SAXO1: variants seen among roughly 807,000 people sequenced by gnomAD.
SAXO1 encodes the protein stabilizer of axonemal microtubules 1.
Under a neutral mutation model 17.5 loss-of-function variants are expected in SAXO1, and 21 were observed. The ratio of observed to expected loss-of-function variants is 1.20; its 90% CI spans 0.85 to 1.72. The LOEUF (loss-of-function observed/expected upper bound fraction) is 1.72. Ranked by LOEUF, SAXO1 falls within the 40% of genes most tolerant of loss-of-function variation. The probability of loss-of-function intolerance (pLI) is 0.00; values close to 1 mark genes in which losing one functional copy is unlikely to be tolerated. For synonymous variants in SAXO1, 274 were observed against 216.5 expected, an observed-to-expected ratio of 1.27 and a Z score of -2.33; for missense variants, 843 against 596.0, an observed-to-expected ratio of 1.41 and a Z score of -4.32.
rs760685521 is a variant in SAXO1, at chr9:18,928,082, G to A, written c.1395C>T (p.Pro465=). 33 of 1,608,630 alleles carry A rather than the reference G, an allele frequency of 2.1e-5. 1 individual carries two copies. In the Middle Eastern group the frequency reaches 2.0e-3, roughly 96 times the overall value. Residue 465 remains proline, a synonymous_variant, in exon 4 of 4, where the codon CCC becomes CCT. Coordinates refer to ENST00000380534, the MANE Select transcript of SAXO1 (RefSeq NM_153707.4). ...CTAACACTTCCAACTCCCTCTGGTTGGGGTTTTCTGAATCATCTACAGAAA... is the reference window on the plus strand; with the variant it reads ...CTAACACTTCCAACTCCCTCTGGTTAGGGTTTTCTGAATCATCTACAGAAA... ...SHLSVDDSEN[P]NQRELEVLA
chr9:18,953,096 C>A (rs940492034), intron 1 of SAXO1, among the ~76,000 whole-genome samples: 5 of 152,352 alleles, frequency 3.3e-5, no homozygotes, highest in African/African-American at 9.6e-5. Flanking sequence ...AGGATTCCGA[C>A]AAACCTCAGA....
At chr9:18,934,353 C>A (rs777273429) in intron 3 of SAXO1, among the ~76,000 whole-genome samples, 7 of 152,008 alleles carry the variant, frequency 4.6e-5, no homozygotes, top group Non-Finnish European at 8.8e-5. Context: ...TGGTTTGGAC[C>A]TTTCTCTTAA....
At chr9:19,007,452 T>G (rs1301483658) in intron 1 of SAXO1, among the ~76,000 whole-genome samples, 1 of 152,252 alleles carries the variant, frequency 6.6e-6, no homozygotes, top group East Asian at 1.9e-4. Flanking sequence ...ACGGACTTTT[T>G]GGATCTAGCA....
rs142996436 is a variant in SAXO1 at position 18,999,194 on chromosome 9, C to G, written c.38+33677G>C. 2.8e-3 allele frequency among the ~76,000 whole-genome samples: 431 copies of G among 152,368 alleles called. 2 individuals carry two copies. Among genetic ancestry groups the G allele is most frequent in the Non-Finnish European group, 5.1e-3 (348 of 68,034 alleles). On this transcript the variant is annotated intron_variant, in intron 1 of 3. Transcript: ENST00000380534. Reference sequence around the variant, plus strand: ...TAAAGAGTCAAGACCTACCTGTGTGCTGTATTCAGGAAACCCATCTTAGGT... The same window carrying G: ...TAAAGAGTCAAGACCTACCTGTGTGGTGTATTCAGGAAACCCATCTTAGGT...
chr9:19,048,574 G>A (rs1298904208), intron 1 of SAXO1, among the ~76,000 whole-genome samples: 2 of 152,204 alleles, frequency 1.3e-5, no homozygotes, highest in Non-Finnish European at 1.5e-5. Context: ...TGAAGACCAA[G>A]AGCAGAATCA....
At chr9:18,933,978 G>A (rs113459733) in intron 3 of SAXO1, among the ~76,000 whole-genome samples, 4,392 of 152,262 alleles carry the variant, frequency 0.029, 99 homozygotes, top group South Asian at 0.1. Flanking sequence ...CCCGGGAGGC[G>A]GAGCTTGCAG....
At chr9:18,942,899 A>C (rs1014997461) in intron 2 of SAXO1, among the ~76,000 whole-genome samples, 1 of 152,210 alleles carries the variant, frequency 6.6e-6, no homozygotes, top group African/African-American at 2.4e-5. Context: ...CATTTATTCA[A>C]CTGGACAAAG....
intron 1 of SAXO1, among the ~76,000 whole-genome samples, chr9:19,044,663 C>G (rs901804031): frequency 5.9e-5 from 9 of 151,796 alleles, no homozygotes; most frequent in Non-Finnish European, 1.3e-4. Context: ...AAGATCGAGA[C>G]CATCCTGGCT....
chr9:19,019,373 C>T (rs1442289293), intron 1 of SAXO1, among the ~76,000 whole-genome samples: 2 of 152,108 alleles, frequency 1.3e-5, no homozygotes, highest in Non-Finnish European at 2.9e-5. Flanking sequence ...AAACCTCCTG[C>T]CCAATGTAGG....
chr9:18,972,607 A>G (rs879142885), intron 1 of SAXO1, among the ~76,000 whole-genome samples: 10 of 152,178 alleles, frequency 6.6e-5, no homozygotes, highest in Non-Finnish European at 4.4e-5. Context: ...TGAACAGTCT[A>G]GGGCTACAAA....
chr9:18,967,356 TC>T (rs1303671600), intron 1 of SAXO1, among the ~76,000 whole-genome samples: 1 of 152,020 alleles, frequency 6.6e-6, no homozygotes, highest in Non-Finnish European at 1.5e-5. Flanking sequence ...AGCCACCCCT[TC>T]CCCCAGGTGC....
intron 1 of SAXO1, among the ~76,000 whole-genome samples, chr9:18,966,043 CTTTTCT>C (rs1832702405): frequency 6.6e-6 from 1 of 152,182 alleles, no homozygotes; most frequent in Non-Finnish European, 1.5e-5. Flanking sequence ...GTTGAAAATT[CTTTTCT>C]TTAAGAATGT....
At chr9:18,955,694 A>G (rs1832230415) in intron 1 of SAXO1, among the ~76,000 whole-genome samples, 1 of 152,166 alleles carries the variant, frequency 6.6e-6, no homozygotes, top group Non-Finnish European at 1.5e-5. Context: ...AATCTATAGC[A>G]CCAAGTTTCG....
chr9:18,959,883 G>A (rs548806859), intron 1 of SAXO1, among the ~76,000 whole-genome samples: 2 of 152,296 alleles, frequency 1.3e-5, no homozygotes, highest in South Asian at 4.1e-4. Flanking sequence ...GCCAAGGAGA[G>A]GCCCTGCTGG....
At chr9:19,037,257 G>C (rs1006916366), upstream of SAXO1, among the ~76,000 whole-genome samples, 1 of 152,170 alleles carries the variant, frequency 6.6e-6, no homozygotes, top group Non-Finnish European at 1.5e-5. Flanking sequence ...GTGGACTTTC[G>C]GGTTAATGCC....
chr9:18,954,405 C>T (rs1464234393), intron 1 of SAXO1, among the ~76,000 whole-genome samples: 1 of 151,872 alleles, frequency 6.6e-6, no homozygotes, highest in African/African-American at 2.4e-5. Context: ...GGTGCCATCA[C>T]AGCTCACTGC....
At chr9:19,027,274 AG>A (rs1835522544) in intron 1 of SAXO1, 1 of 963,012 alleles carries the variant, frequency 1.0e-6, no homozygotes, top group Non-Finnish European at 1.7e-6. Context: ...GATGTTGAAA[AG>A]CTAAAGCCAG....
chr9:18,947,056 C>T (rs1278358349), intron 2 of SAXO1, among the ~76,000 whole-genome samples: 1 of 152,150 alleles, frequency 6.6e-6, no homozygotes, highest in African/African-American at 2.4e-5. Flanking sequence ...TACAAATTTA[C>T]TCAGAAATAC....
intron 2 of SAXO1, among the ~76,000 whole-genome samples, chr9:18,949,528 C>T (rs943521750): frequency 6.6e-6 from 1 of 152,180 alleles, no homozygotes; most frequent in African/African-American, 2.4e-5. Context: ...CCCTCTCATT[C>T]TCAAGCCCCT....
Sources: gnomAD v4.1 joint callset for allele counts (sites outside exome capture counted in the v4.1 genomes callset) on GRCh38, gnomAD v4.1.1 for gene constraint, MANE v1.5 for transcripts, NCBI Gene and HGNC (gene_info 2026-07-23, HGNC 2026-07-21) for gene names.